The following PARD3B variants were observed in gnomAD, a reference collection of about 807,000 sequenced individuals.
The protein encoded by PARD3B is partitioning defective 3 homolog B.
PARD3B carries 103 observed loss-of-function variants against 130.2 expected under a neutral mutation model. The observed-to-expected ratio is 0.79, with a 90% CI of 0.67 to 0.93. PARD3B has a LOEUF of 0.93. Among genes scored for constraint, PARD3B ranks in the 40% least tolerant of loss-of-function variants. PARD3B has a pLI of 0.00. For missense variants in PARD3B, 1,609 were observed against 1,499.2 expected, an observed-to-expected ratio of 1.07 and a Z score of -1.21; for synonymous variants, 583 against 553.2, an observed-to-expected ratio of 1.05 and a Z score of -0.76.
chr2:204,869,159 A>T (rs1413706145), intron 2 of PARD3B, among the ~76,000 whole-genome samples: 1 of 152,146 alleles, frequency 6.6e-6, no homozygotes, highest in African/African-American at 2.4e-5. Context: ...TATTATATGT[A>T]TGATTTTTAT....
At chr2:205,482,211 G>A (rs537059235) in intron 20 of PARD3B, among the ~76,000 whole-genome samples, 3 of 152,318 alleles carry the variant, frequency 2.0e-5, no homozygotes, top group African/African-American at 7.2e-5. Context: ...AAAGTTTAGA[G>A]AATCCTTTTA....
intron 16 of PARD3B, among the ~76,000 whole-genome samples, chr2:205,283,182 C>T (rs912481402): frequency 2.0e-5 from 3 of 152,244 alleles, no homozygotes; most frequent in African/African-American, 7.2e-5. Context: ...TTCAGATTCA[C>T]ATTTGTTCAC....
intron 2 of PARD3B, among the ~76,000 whole-genome samples, chr2:204,755,047 TATTTA>T (rs1315391478): frequency 6.6e-6 from 1 of 152,136 alleles, no homozygotes; most frequent in Non-Finnish European, 1.5e-5. Context: ...AGTGTTGTGT[TATTTA>T]ATTGCCTTGC....
At chr2:204,747,378 T>C (rs570605725) in intron 2 of PARD3B, among the ~76,000 whole-genome samples, 9 of 152,234 alleles carry the variant, frequency 5.9e-5, no homozygotes, top group African/African-American at 2.2e-4. Context: ...TTACAAGGGA[T>C]GTGAAGGACC....
intron 22 of PARD3B, among the ~76,000 whole-genome samples, chr2:205,587,052 A>T (rs925399276): frequency 1.3e-5 from 2 of 152,208 alleles, no homozygotes; most frequent in African/African-American, 4.8e-5. Context: ...TTAACAAGTA[A>T]GCTTCACATT....
At chr2:205,113,412 G>T (rs1703790825) in intron 5 of PARD3B, 79 bp from the exon 6 acceptor site, 1 of 850,356 alleles carries the variant, frequency 1.2e-6, no homozygotes, top group South Asian at 1.5e-5. Flanking sequence ...GTGTGTGTGT[G>T]TGTGTGTGTG....
intron 19 of PARD3B, among the ~76,000 whole-genome samples, chr2:205,408,165 A>G (rs576403395): frequency 6.6e-6 from 1 of 152,218 alleles, no homozygotes; most frequent in South Asian, 2.1e-4. Context: ...AGAACTGCAG[A>G]CTTCTCCCTT....
chr2:205,297,152 T>G (rs1476300284), intron 16 of PARD3B, among the ~76,000 whole-genome samples: 1 of 152,134 alleles, frequency 6.6e-6, no homozygotes, highest in African/African-American at 2.4e-5. Context: ...GATGAAAATA[T>G]GAAGAGTCAT....
intron 2 of PARD3B, among the ~76,000 whole-genome samples, chr2:204,776,900 G>A (rs528155497): frequency 3.3e-5 from 5 of 152,032 alleles, no homozygotes; most frequent in African/African-American, 1.2e-4. Flanking sequence ...CATACATAAT[G>A]GGGGTGGGTA....
chr2:205,206,323 G>A (rs1457879750), intron 15 of PARD3B, among the ~76,000 whole-genome samples: 4 of 148,198 alleles, frequency 2.7e-5, no homozygotes, highest in Non-Finnish European at 5.9e-5. Context: ...CCACCAACTC[G>A]TCATCTAGCA....
chr2:205,075,601 ACTT>A (rs1251952360), intron 4 of PARD3B, among the ~76,000 whole-genome samples: 1 of 151,732 alleles, frequency 6.6e-6, no homozygotes. Flanking sequence ...TTATTTCTAT[ACTT>A]CTTATTTCTT....
intron 1 of PARD3B, among the ~76,000 whole-genome samples, chr2:204,650,945 C>G (rs1332872837): frequency 6.6e-6 from 1 of 152,066 alleles, no homozygotes; most frequent in Non-Finnish European, 1.5e-5. Flanking sequence ...AACCAGATCT[C>G]AGGATAACTC....
chr2:204,977,619 C>T (rs1033444853), intron 3 of PARD3B, among the ~76,000 whole-genome samples: 1 of 152,082 alleles, frequency 6.6e-6, no homozygotes, highest in East Asian at 1.9e-4. Context: ...ACCATCCTGG[C>T]TAACACGGTG....
In PARD3B at chr2:205,121,810, T is replaced by C; in HGVS notation, c.1026T>C (p.Asp342=). 1 of 1,614,134 alleles carries C rather than the reference T, an allele frequency of 6.2e-7. No individual in the cohort carries two copies. The highest frequency in any genetic ancestry group is 1.1e-5 in the South Asian group (1 of 91,080). The change falls in exon 8 of 23, where the codon GAT becomes GAC. Residue 342 remains aspartate (D), a synonymous_variant. Transcript: ENST00000406610. The surrounding 1 kb of genome is among the most constrained non-coding windows in gnomAD (Gnocchi z 5.0). The part of the protein sequence containing the change: ...NLTGTDSPET[D]ASASLQQNKS... ...CAGGAACCGATAGTCCTGAAACAGA[T>C]GCATCAGCTTCCCTGCAACAAAACA...
intron 18 of PARD3B, among the ~76,000 whole-genome samples, chr2:205,381,166 A>AATATATAATATATATAAAGAATATATATT (rs2045422990): frequency 5.9e-5 from 7 of 118,728 alleles, no homozygotes; most frequent in African/African-American, 2.4e-4. Flanking sequence ...ATATATAAAG[A>AATATATAATATATATAAAGAATATATATT]ATATATAATA....
intron 2 of PARD3B, among the ~76,000 whole-genome samples, chr2:204,732,086 T>G (rs1238003347): frequency 6.2e-5 from 9 of 144,820 alleles, no homozygotes; most frequent in Admixed American, 2.7e-4. Flanking sequence ...AATTGTGGTT[T>G]TTTTTTTTTT....
chr2:205,561,281 G>T (rs2053125297), intron 22 of PARD3B, among the ~76,000 whole-genome samples: 2 of 152,084 alleles, frequency 1.3e-5, no homozygotes, highest in South Asian at 2.1e-4. Context: ...TAAGTCACTG[G>T]CGGTGACATT....
Position 205,087,625 on chromosome 2 carries a change from T to C in PARD3B, c.505-16801T>C, listed in dbSNP as rs904841650. 2.6e-5 allele frequency among the ~76,000 whole-genome samples: 4 copies of C among 152,188 alleles called. No homozygotes were observed. In the South Asian group the frequency reaches 8.3e-4, roughly 31 times the overall value. ...ATGAGAGTAATGAATGCAATAAAGT[T>C]AAGAATTTGTTGAAATGATATTACC... On this transcript the variant is annotated intron_variant, in intron 4 of 22. Coordinates refer to ENST00000406610, the MANE Select transcript of PARD3B (RefSeq NM_001302769.2).
intron 18 of PARD3B, among the ~76,000 whole-genome samples, chr2:205,371,392 A>C (rs1460159996): frequency 2.0e-5 from 3 of 152,168 alleles, no homozygotes; most frequent in African/African-American, 7.2e-5. Flanking sequence ...TGTGGCAGGT[A>C]GACACATTCT....
Sources: allele counts gnomAD v4.1 joint callset (sites outside exome capture counted in the v4.1 genomes callset), GRCh38; gene constraint gnomAD v4.1.1; non-coding constraint Gnocchi (gnomAD v3.1); transcripts MANE v1.5; gene names NCBI Gene and HGNC (gene_info 2026-07-23, HGNC 2026-07-21).